PCSK5: variants seen among roughly 807,000 people sequenced by gnomAD.
The protein encoded by PCSK5 is proprotein convertase subtilisin/kexin type 5, also known as prohormone convertase 5.
A neutral mutation model predicts 233.2 loss-of-function variants in PCSK5; 129 were observed. The observed-to-expected ratio is 0.55, with a 90% confidence interval of 0.48 to 0.64. PCSK5 has a LOEUF of 0.64. Ranked by LOEUF, PCSK5 falls within the 30% of genes least tolerant of loss-of-function variation. PCSK5 has a pLI of 0.00. For missense variants in PCSK5, 2,076 were observed against 2,430.1 expected (o/e 0.85, Z 3.06); for synonymous variants, 825 against 879.2 (o/e 0.94, Z 1.09).
chr9:76,233,608 C>A lies in PCSK5; in HGVS notation c.2866+12C>A. On this transcript the variant is annotated intron_variant, in intron 22 of 37. Transcript: ENST00000674117. ...CTCCTGTGGAGCAGGTGAGAGACTG[C>A]TGCTCCTCCGTCTTCTGCACCCCAA... 1 of 1,606,906 alleles carries A rather than the reference C, an allele frequency of 6.2e-7. No homozygotes were observed. The highest frequency in any genetic ancestry group is 1.1e-5 in the South Asian group (1 of 90,950).
At position 76,251,710 on chromosome 9, in the gene PCSK5, A is replaced by G. The variant is rs191624877; in HGVS notation, c.3142+11026A>G. On this transcript the variant is annotated intron_variant, in intron 24 of 37. Transcript: ENST00000674117. Reference sequence around the variant, plus strand: ...TACTTACTAATGTGCCAGGTGCTGTACTAAGTTTTTTAAGTATATTACCTG... The same window carrying G: ...TACTTACTAATGTGCCAGGTGCTGTGCTAAGTTTTTTAAGTATATTACCTG... Among the ~76,000 whole-genome samples, 809 of 152,126 alleles carry G rather than the reference A, an allele frequency of 5.3e-3. 3 individuals are homozygous for G. The highest frequency in any genetic ancestry group is 5.5e-3 in the Non-Finnish European group (376 of 68,024).
chr9:75,903,266 AT>A (rs1207242008), intron 1 of PCSK5, among the ~76,000 whole-genome samples: 2 of 152,052 alleles, frequency 1.3e-5, no homozygotes, highest in Non-Finnish European at 2.9e-5. Flanking sequence ...CACATATAAC[AT>A]TTTTAGATTG....
chr9:75,936,560 C>G (rs1216667094), intron 2 of PCSK5, among the ~76,000 whole-genome samples: 2 of 152,188 alleles, frequency 1.3e-5, no homozygotes, highest in Non-Finnish European at 2.9e-5. Flanking sequence ...AATTCCTTAC[C>G]TGTTCAGGTT....
intron 3 of PCSK5, among the ~76,000 whole-genome samples, chr9:76,021,333 CAGAG>C (rs374079156): frequency 1.8e-4 from 27 of 149,480 alleles, no homozygotes; most frequent in South Asian, 4.3e-4. Context: ...GGGAGAGACA[CAGAG>C]AGAGAGAGAA....
intron 33 of PCSK5, among the ~76,000 whole-genome samples, chr9:76,330,283 A>G (rs1348551151): frequency 6.6e-6 from 1 of 152,218 alleles, no homozygotes; most frequent in Non-Finnish European, 1.5e-5. Context: ...TCCCAGGGAT[A>G]CTGTGACTAG....
intron 31 of PCSK5, 50 bp downstream of exon 31, chr9:76,321,689 T>G (rs1829211159): frequency 8.2e-7 from 1 of 1,216,676 alleles, no homozygotes; most frequent in Non-Finnish European, 1.2e-6. Context: ...AGCCACCAGT[T>G]GGGGGCCGAT....
At chr9:76,293,734 T>A (rs558527561) in intron 25 of PCSK5, among the ~76,000 whole-genome samples, 1 of 152,352 alleles carries the variant, frequency 6.6e-6, no homozygotes, top group East Asian at 1.9e-4. Flanking sequence ...AGCTCTCCAC[T>A]ACTCGCTAAT....
chr9:76,035,670 A>G (rs1389327730), intron 5 of PCSK5, among the ~76,000 whole-genome samples: 2 of 152,222 alleles, frequency 1.3e-5, no homozygotes, highest in African/African-American at 4.8e-5. Context: ...CAGTAAAGGA[A>G]ACACATAAGT....
At chr9:76,296,598 CTCT>C in intron 26 of PCSK5, 64 bp from the exon 27 acceptor site, 3 of 1,009,142 alleles carry the variant, frequency 3.0e-6, no homozygotes, top group African/African-American at 1.6e-5. Context: ...TTCCTCCAGC[CTCT>C]TTAGAACTTG....
chr9:76,045,938 G>T (rs536821717), intron 5 of PCSK5, among the ~76,000 whole-genome samples: 1 of 151,994 alleles, frequency 6.6e-6, no homozygotes, highest in Non-Finnish European at 1.5e-5. Context: ...TTTGCCATAA[G>T]GGTTTTCCAT....
chr9:76,095,373 A>T (rs963042920), intron 7 of PCSK5, among the ~76,000 whole-genome samples: 1 of 152,236 alleles, frequency 6.6e-6, no homozygotes, highest in African/African-American at 2.4e-5. Flanking sequence ...TTCATGGCAG[A>T]TTTGAAGATT....
intron 1 of PCSK5, among the ~76,000 whole-genome samples, chr9:75,909,991 T>C (rs538082097): frequency 2.0e-5 from 3 of 152,328 alleles, no homozygotes; most frequent in African/African-American, 7.2e-5. Context: ...GAGCTCCAGA[T>C]GGTGGATGCT....
intron 1 of PCSK5, among the ~76,000 whole-genome samples, chr9:75,913,626 A>C (rs891125990): frequency 6.6e-6 from 1 of 152,182 alleles, no homozygotes; most frequent in African/African-American, 2.4e-5. Context: ...GCTGGATTGG[A>C]ATATAGTGTC....
chr9:76,027,197 A>G (rs1828463761), intron 5 of PCSK5, among the ~76,000 whole-genome samples, 160 bp downstream of exon 5: 1 of 152,152 alleles, frequency 6.6e-6, no homozygotes, highest in African/African-American at 2.4e-5. Flanking sequence ...CTGAGTAAGA[A>G]AAAAGGGGTG....
At position 76,274,876 on chromosome 9, in the gene PCSK5, G is replaced by A. The variant is rs555902193; in HGVS notation, c.3143-17357G>A. The stretch of plus-strand genomic sequence containing the variant: ...CATGGCTCCAGCATCTGCTTCTAGC[G>A]AGGGCTCCAGGCTGCTTCCACTCAT... On this transcript the variant is annotated intron_variant, in intron 24 of 37. Coordinates refer to ENST00000674117, the MANE Select transcript of PCSK5 (RefSeq NM_001372043.1). Among the ~76,000 whole-genome samples, 8 of 152,216 alleles carry A rather than the reference G, an allele frequency of 5.3e-5. No individual in the cohort carries two copies. The East Asian group carries it at 5.8e-4, about 11-fold the overall frequency.
At chr9:75,911,201 G>GTTTTTTTTTTT (rs71370772) in intron 1 of PCSK5, among the ~76,000 whole-genome samples, 5 of 48,758 alleles carry the variant, frequency 1.0e-4, no homozygotes, top group African/African-American at 3.4e-4. Flanking sequence ...GAACATATAG[G>GTTTTTTTTTTT]TTTTTTTTTT....
At chr9:75,892,002 T>C (rs77414891) in intron 1 of PCSK5, among the ~76,000 whole-genome samples, 2,612 of 152,210 alleles carry the variant, frequency 0.017, 35 homozygotes, top group South Asian at 0.029. Flanking sequence ...CTTTCTCGCC[T>C]TAAGCGAGGT....
rs922973856 is a variant in PCSK5, at chr9:76,170,145, C to A, written c.1756+305C>A. Reference sequence around the variant, plus strand: ...CAGACTTTCTATGTCTGTAAACAAGCCAGCCTGTCCACCGGCACTGAGTTC... The same window carrying A: ...CAGACTTTCTATGTCTGTAAACAAGACAGCCTGTCCACCGGCACTGAGTTC... On this transcript the variant is annotated intron_variant, in intron 13 of 37. Coordinates refer to ENST00000674117, the MANE Select transcript of PCSK5 (RefSeq NM_001372043.1). 5.3e-5 allele frequency among the ~76,000 whole-genome samples: 8 copies of A among 152,298 alleles called. No individual in the cohort carries two copies. In the East Asian group the frequency reaches 1.5e-3, roughly 29 times the overall value.
At chr9:76,155,184 G>A (rs928209155) in intron 10 of PCSK5, among the ~76,000 whole-genome samples, 6 of 152,050 alleles carry the variant, frequency 3.9e-5, no homozygotes, top group African/African-American at 1.4e-4. Flanking sequence ...TGATATTAAA[G>A]TAAGGAGACC....
Sources: allele counts gnomAD v4.1 joint callset (sites outside exome capture counted in the v4.1 genomes callset), GRCh38; gene constraint gnomAD v4.1.1; transcripts MANE v1.5; gene names NCBI Gene and HGNC (gene_info 2026-07-23, HGNC 2026-07-21).